DLG2: variants seen among roughly 807,000 people sequenced by gnomAD.
DLG2 encodes the protein discs large MAGUK scaffold protein 2, also known as disks large homolog 2.
Under a neutral mutation model 132.5 loss-of-function variants are expected in DLG2, and 45 were observed. The observed-to-expected ratio is 0.34, with a 90% CI of 0.27 to 0.44. DLG2 has a LOEUF of 0.44. Ranked by LOEUF, DLG2 falls within the 20% of genes least tolerant of loss-of-function variation. DLG2 has a pLI of 1.00. For synonymous variants in DLG2, 424 were observed against 419.6 expected, an observed-to-expected ratio of 1.01 and a Z score of -0.13; for missense variants, 1,045 against 1,196.9, an observed-to-expected ratio of 0.87 and a Z score of 1.87.
Position 85,146,227 on chromosome 11 carries a change from CCTCTCTCTCTCTCT to C in DLG2, c.282+8315_282+8328del, listed in dbSNP as rs35640163. ...AAGTCTGTCTGTATGTCTGTTTCTCCCTCTCTCTCTCTCTCTCTCTCTCTCTCTCTCTCTCTCCT... is the reference window on the plus strand; with the variant it reads ...AAGTCTGTCTGTATGTCTGTTTCTCCCTCTCTCTCTCTCTCTCTCTCTCCT... On this transcript the variant is annotated intron_variant, in intron 5 of 27. Transcript: ENST00000376104. Among the ~76,000 whole-genome samples the C allele has an allele frequency of 3.9e-5, 5 of 129,110 alleles. No homozygotes were observed. The South Asian group carries it at 7.7e-4, about 20-fold the overall frequency. 84.7% of individuals were successfully genotyped at this position (129,110 alleles called of 152,430 possible). A position where few individuals can be genotyped will look rare whatever the true frequency, so the allele number is the denominator to read the frequency against.
intron 3 of DLG2, among the ~76,000 whole-genome samples, chr11:85,333,756 G>A (rs756563427): frequency 1.3e-5 from 2 of 152,140 alleles, no homozygotes; most frequent in Non-Finnish European, 2.9e-5. Flanking sequence ...GTTGAACCAA[G>A]TTTGCATCCC....
intron 18 of DLG2, chr11:83,786,469 T>A (rs1213126829): frequency 1.2e-5 from 6 of 495,548 alleles, no homozygotes; most frequent in African/African-American, 3.8e-5. Flanking sequence ...TTTGAATTCA[T>A]ATTTTCATAG....
At chr11:84,821,736 G>C (rs912398509) in intron 6 of DLG2, among the ~76,000 whole-genome samples, 4 of 150,478 alleles carry the variant, frequency 2.7e-5, no homozygotes, top group African/African-American at 9.8e-5. Flanking sequence ...AAGATTCTTT[G>C]CCACTGGAAC....
At chr11:83,818,582 T>C (rs550053752) in intron 17 of DLG2, among the ~76,000 whole-genome samples, 1 of 152,240 alleles carries the variant, frequency 6.6e-6, no homozygotes, top group Non-Finnish European at 1.5e-5. Context: ...GAAGCCCCTA[T>C]CAAGTTCGTT....
chr11:83,765,718 CTT>C (rs972196494), intron 18 of DLG2, among the ~76,000 whole-genome samples: 2 of 152,188 alleles, frequency 1.3e-5, no homozygotes, highest in African/African-American at 4.8e-5. Flanking sequence ...AGAGCTGTGT[CTT>C]TGTTCCTAGT....
chr11:84,714,136 T>G (rs568896629), intron 6 of DLG2, among the ~76,000 whole-genome samples: 7 of 151,810 alleles, frequency 4.6e-5, no homozygotes, highest in African/African-American at 1.7e-4. Flanking sequence ...TGAATTTCTG[T>G]TTTTTTCTAA....
intron 6 of DLG2, among the ~76,000 whole-genome samples, chr11:84,684,013 T>C (rs888337836): frequency 3.3e-5 from 5 of 152,220 alleles, no homozygotes; most frequent in African/African-American, 4.8e-5. Context: ...TGCATGAATG[T>C]AGTTTTTCAA....
chr11:85,082,992 A>G (rs1401346544), intron 6 of DLG2, among the ~76,000 whole-genome samples: 3 of 152,058 alleles, frequency 2.0e-5, no homozygotes, highest in African/African-American at 7.2e-5. Flanking sequence ...TAAAACCTCA[A>G]TTTAGCCACT....
chr11:85,052,643 G>A (rs1331865364), intron 6 of DLG2, among the ~76,000 whole-genome samples: 3 of 152,142 alleles, frequency 2.0e-5, no homozygotes, highest in Non-Finnish European at 4.4e-5. Flanking sequence ...TCATTAACAT[G>A]TATTTACTGG....
At chr11:84,355,453 C>T (rs992338204) in intron 7 of DLG2, among the ~76,000 whole-genome samples, 1 of 152,018 alleles carries the variant, frequency 6.6e-6, no homozygotes, top group African/African-American at 2.4e-5. Flanking sequence ...AGAGAAGTGC[C>T]TTTCCCCTTC....
intron 18 of DLG2, among the ~76,000 whole-genome samples, chr11:83,695,606 G>A (rs1441950132): frequency 6.6e-6 from 1 of 152,158 alleles, no homozygotes; most frequent in African/African-American, 2.4e-5. Context: ...AGGCATGGTG[G>A]TGGGTGCCTG....
chr11:85,200,981 A>G (rs2081414957), intron 4 of DLG2, among the ~76,000 whole-genome samples: 1 of 151,488 alleles, frequency 6.6e-6, no homozygotes, highest in Admixed American at 6.6e-5. Flanking sequence ...CTGCTGGGAG[A>G]CTCATGCTCC....
chr11:84,861,163 G>C (rs1341852038), intron 6 of DLG2, among the ~76,000 whole-genome samples: 1 of 152,068 alleles, frequency 6.6e-6, no homozygotes, highest in Non-Finnish European at 1.5e-5. Flanking sequence ...TGAGGGTCAG[G>C]GAACAATTTC....
chr11:84,801,172 T>G (rs1223656495), intron 6 of DLG2, among the ~76,000 whole-genome samples: 1 of 152,226 alleles, frequency 6.6e-6, no homozygotes, highest in East Asian at 1.9e-4. Flanking sequence ...CAGGAAAAAC[T>G]TCACAGTATG....
intron 6 of DLG2, among the ~76,000 whole-genome samples, chr11:84,557,091 T>C (rs2099413422): frequency 6.6e-6 from 1 of 152,170 alleles, no homozygotes; most frequent in South Asian, 2.1e-4. Flanking sequence ...GTAATTGTAA[T>C]GGTTAGTTTT....
intron 6 of DLG2, among the ~76,000 whole-genome samples, chr11:84,667,479 T>G (rs199964205): frequency 0.28 from 10,992 of 38,816 alleles, 523 homozygotes; most frequent in South Asian, 0.49. Flanking sequence ...TTTTTTTTTG[T>G]TTTTGTTTTT....
chr11:84,866,856 A>C (rs2084648631), intron 6 of DLG2, among the ~76,000 whole-genome samples: 1 of 152,248 alleles, frequency 6.6e-6, no homozygotes, highest in African/African-American at 2.4e-5. Flanking sequence ...AAGTGGCACG[A>C]GAAGAGTTCA....
chr11:84,534,480 C>T, intron 7 of DLG2, 90 bp downstream of exon 7: 1 of 1,333,332 alleles, frequency 7.5e-7, no homozygotes, highest in Non-Finnish European at 1.1e-6. Flanking sequence ...TTAAAAGAGC[C>T]TCATTTAATC....
chr11:83,821,969 G>C (rs1242501056), intron 17 of DLG2, among the ~76,000 whole-genome samples: 1 of 152,098 alleles, frequency 6.6e-6, no homozygotes, highest in East Asian at 1.9e-4. Flanking sequence ...GAGGGAATTT[G>C]GATGGAAAGG....
Sources: gnomAD v4.1 joint callset for allele counts (sites outside exome capture counted in the v4.1 genomes callset) on GRCh38, gnomAD v4.1.1 for gene constraint, MANE v1.5 for transcripts, NCBI Gene and HGNC (gene_info 2026-07-23, HGNC 2026-07-21) for gene names.